Variants in ITGA4 observed in about 807,000 individuals in gnomAD.
ITGA4 encodes integrin alpha-4.
A neutral mutation model predicts 133.6 loss-of-function variants in ITGA4; 63 were observed. That is an observed-to-expected ratio of 0.47 (90% confidence interval 0.38 to 0.58). The LOEUF is 0.58. Ranked by LOEUF, ITGA4 falls within the 20% of genes least tolerant of loss-of-function variation. ITGA4 has a pLI of 0.00. For synonymous variants in ITGA4, 483 were observed against 438.0 expected (o/e 1.10, Z -1.28); for missense variants, 1,076 against 1,252.7 (o/e 0.86, Z 2.13).
chr2:181,534,783 G>A (rs767580769), intron 26 of ITGA4, 33 bp from the exon 27 acceptor site: 1 of 1,402,130 alleles, frequency 7.1e-7, no homozygotes, highest in South Asian at 1.3e-5. Context: ...TTTTTTTTTG[G>A]TTTTTGAGTT....
chr2:181,530,135 A>T (rs930888369), intron 23 of ITGA4, among the ~76,000 whole-genome samples: 1 of 152,222 alleles, frequency 6.6e-6, no homozygotes, highest in African/African-American at 2.4e-5. Flanking sequence ...CAAATCTACT[A>T]AATAGGTTTG....
chr2:181,487,941 C>T (rs1465240145), intron 10 of ITGA4, among the ~76,000 whole-genome samples: 3 of 152,156 alleles, frequency 2.0e-5, no homozygotes, highest in Admixed American at 2.0e-4. Context: ...CCAATTCTTT[C>T]TTTTAAAAAC....
At chr2:181,505,058 C>A (rs373770842) in intron 15 of ITGA4, among the ~76,000 whole-genome samples, 14 of 152,090 alleles carry the variant, frequency 9.2e-5, no homozygotes, top group Admixed American at 6.6e-4. Flanking sequence ...TGCTTAAAAT[C>A]TTCCTATGTA....
intron 24 of ITGA4, 98 bp from the exon 25 acceptor site, chr2:181,531,559 A>C (rs1686945628): frequency 2.0e-6 from 1 of 509,818 alleles, no homozygotes; most frequent in Non-Finnish European, 3.1e-6. Context: ...TGATTTTCAA[A>C]ATGCCATTAG....
At chr2:181,481,313 G>T (rs904274863) in intron 6 of ITGA4, among the ~76,000 whole-genome samples, 1 of 152,058 alleles carries the variant, frequency 6.6e-6, no homozygotes, top group Non-Finnish European at 1.5e-5. Context: ...AAATATGTCT[G>T]TTGTAATCCT....
At chr2:181,518,949 T>C (rs969888053) in intron 17 of ITGA4, among the ~76,000 whole-genome samples, 9 of 152,044 alleles carry the variant, frequency 5.9e-5, no homozygotes, top group African/African-American at 1.9e-4. Flanking sequence ...TAAAAAATTA[T>C]AAGAATCTCT....
Position 181,518,008 on chromosome 2 carries a change from G to C in ITGA4, c.1923-4183G>C, listed in dbSNP as rs372748521. Among the ~76,000 whole-genome samples, 8 of 151,914 alleles carry C rather than the reference G, an allele frequency of 5.3e-5. No individual in the cohort carries two copies. The East Asian group carries it at 7.7e-4, about 15-fold the overall frequency. On this transcript the variant is annotated intron_variant, in intron 17 of 27. Transcript: ENST00000397033. The stretch of plus-strand genomic sequence containing the variant: ...AATGTCAAGCTGAAGTTTACTTTTA[G>C]AACCTCTTAGGTTGCTTTAGTCCTA...
At chr2:181,508,153 G>A (rs1686431893) in intron 15 of ITGA4, among the ~76,000 whole-genome samples, 1 of 151,830 alleles carries the variant, frequency 6.6e-6, no homozygotes, top group African/African-American at 2.4e-5. Flanking sequence ...TCAATCAGTT[G>A]TAATAAACTC....
Position 181,526,821 on chromosome 2 carries a change from C to CTTTTTTTTTTTTTTTTTTTTTTTTTT in ITGA4, c.2340-469_2340-444dup, listed in dbSNP as rs538208494. Among the ~76,000 whole-genome samples the CTTTTTTTTTTTTTTTTTTTTTTTTTT allele has an allele frequency of 9.8e-5, 4 of 40,994 alleles. 1 individual carries two copies. Among genetic ancestry groups the CTTTTTTTTTTTTTTTTTTTTTTTTTT allele is most frequent in the Non-Finnish European group, 1.6e-4 (3 of 18,338 alleles). 26.9% of individuals were successfully genotyped at this position (40,994 alleles called of 152,430 possible). On this transcript the variant is annotated intron_variant, in intron 21 of 27. Coordinates refer to ENST00000397033, the MANE Select transcript of ITGA4 (RefSeq NM_000885.6). ...TGTCACCCAGGTCAGAGCACATGGC[C>CTTTTTTTTTTTTTTTTTTTTTTTTTT]TTTTTTTTTTTTTTTTTTTTTTTTT...
chr2:181,531,637 A>G lies in ITGA4; in HGVS notation c.2665-20A>G. On this transcript the variant is annotated intron_variant, in intron 24 of 27. Transcript: ENST00000397033. ...CCAATGTTGAAAATTTTAATGTAGCACTTTTATATTCCCTTCAAGTACTGC... is the reference window on the plus strand; with the variant it reads ...CCAATGTTGAAAATTTTAATGTAGCGCTTTTATATTCCCTTCAAGTACTGC... The G allele has an allele frequency of 6.9e-7, 1 of 1,445,510 alleles. No individual in the cohort carries two copies. The highest frequency in any genetic ancestry group is 9.3e-7 in the Non-Finnish European group (1 of 1,073,820). The allele number at this position is 1,445,510 out of a possible 1,614,324, so 89.5% of individuals were successfully genotyped here. A position where few individuals can be genotyped will look rare whatever the true frequency, so the allele number is the denominator to read the frequency against.
intron 12 of ITGA4, 74 bp downstream of exon 12, chr2:181,494,886 G>A (rs165419): frequency 0.99 from 794,049 of 799,386 alleles, 394,551 homozygotes; most frequent in East Asian, 1. Flanking sequence ...AGTGAAGTAC[G>A]TAAAACTGGT....
intron 15 of ITGA4, among the ~76,000 whole-genome samples, chr2:181,506,134 TAATA>T (rs1686387308): frequency 6.6e-6 from 1 of 152,128 alleles, no homozygotes; most frequent in African/African-American, 2.4e-5. Context: ...AAATACCGTT[TAATA>T]AATAGAGCTC....
chr2:181,502,893 G>A (rs1686308535), intron 15 of ITGA4, among the ~76,000 whole-genome samples: 1 of 152,028 alleles, frequency 6.6e-6, no homozygotes, highest in Non-Finnish European at 1.5e-5. Flanking sequence ...GGTCAAGAGA[G>A]TGAAGCAAGC....
At chr2:181,504,659 T>C (rs962673004) in intron 15 of ITGA4, among the ~76,000 whole-genome samples, 1 of 152,086 alleles carries the variant, frequency 6.6e-6, no homozygotes, top group Non-Finnish European at 1.5e-5. Context: ...GATTGCAAGA[T>C]CTTTGAGGCA....
intron 17 of ITGA4, among the ~76,000 whole-genome samples, 165 bp from the exon 18 acceptor site, chr2:181,522,026 A>T (rs975137336): frequency 6.6e-6 from 1 of 152,146 alleles, no homozygotes; most frequent in Non-Finnish European, 1.5e-5. Context: ...TCTTCTTAAT[A>T]TGGTTTTACA....
chr2:181,522,357 C>T lies in ITGA4; in HGVS notation c.2073+16C>T. 6.4e-7 allele frequency: 1 copy of T among 1,551,890 alleles called. No homozygotes were observed. Among genetic ancestry groups the T allele is most frequent in the Non-Finnish European group, 8.8e-7 (1 of 1,141,198 alleles). On this transcript the variant is annotated intron_variant, in intron 18 of 27. Transcript: ENST00000397033. The stretch of plus-strand genomic sequence containing the variant: ...TTTAGAGCTGGTAAGTACTGTAAAC[C>T]ACAATAGCATGATACTACTTGGTAT...
At chr2:181,529,405 T>A in intron 22 of ITGA4, 136 bp from the exon 23 acceptor site, 1 of 449,510 alleles carries the variant, frequency 2.2e-6, no homozygotes, top group East Asian at 3.5e-5. Flanking sequence ...CCCTTTGTTA[T>A]GCAGCTGCCA....
intron 24 of ITGA4, among the ~76,000 whole-genome samples, chr2:181,531,039 C>T (rs868681620): frequency 6.6e-6 from 1 of 151,956 alleles, no homozygotes; most frequent in East Asian, 1.9e-4. Flanking sequence ...TGCTTGAATC[C>T]GGGAGGTGGA....
At position 181,495,666 on chromosome 2, in the gene ITGA4, C is replaced by A; in HGVS notation, c.1386-117C>A. 1.2e-6 allele frequency: 1 copy of A among 847,842 alleles called. No individual in the cohort carries two copies. The highest frequency in any genetic ancestry group is 1.9e-6 in the Non-Finnish European group (1 of 539,842). 52.5% of individuals were successfully genotyped at this position (847,842 alleles called of 1,614,324 possible). On this transcript the variant is annotated intron_variant, in intron 13 of 27. Coordinates refer to ENST00000397033, the MANE Select transcript of ITGA4 (RefSeq NM_000885.6). This position sits in a 1 kb window ranked among gnomAD's most constrained non-coding sequence, Gnocchi z 4.3. ...CACAGAAATGTAATTAGTATGTACACACATAATAAGACTCATGAAATTACT... is the reference window on the plus strand; with the variant it reads ...CACAGAAATGTAATTAGTATGTACAAACATAATAAGACTCATGAAATTACT...
Sources: allele counts gnomAD v4.1 joint callset (sites outside exome capture counted in the v4.1 genomes callset), GRCh38; gene constraint gnomAD v4.1.1; non-coding constraint Gnocchi (gnomAD v3.1); transcripts MANE v1.5; gene names NCBI Gene and HGNC (gene_info 2026-07-23, HGNC 2026-07-21).